The following NEDD1 variants were observed in gnomAD, a reference collection of about 807,000 sequenced individuals.
NEDD1 encodes the protein protein NEDD1.
NEDD1 carries 33 observed loss-of-function variants against 74.0 expected under a neutral mutation model. That is an observed-to-expected ratio of 0.45 (90% CI 0.34 to 0.60). The LOEUF is 0.60. Ranked by LOEUF, NEDD1 falls within the 20% of genes least tolerant of loss-of-function variation. The pLI is 0.01. For synonymous variants in NEDD1, 250 were observed against 264.4 expected, an observed-to-expected ratio of 0.95 and a Z score of 0.53; for missense variants, 746 against 776.5, an observed-to-expected ratio of 0.96 and a Z score of 0.47.
chr12:96,928,067 A>G (rs1393534970), intron 6 of NEDD1, among the ~76,000 whole-genome samples: 2 of 152,140 alleles, frequency 1.3e-5, no homozygotes, highest in African/African-American at 4.8e-5. Flanking sequence ...ATTTCTTCTT[A>G]AAGACTTTTC....
intron 4 of NEDD1, among the ~76,000 whole-genome samples, chr12:96,916,233 A>T (rs1296275016): frequency 2.8e-5 from 4 of 144,424 alleles, no homozygotes; most frequent in Admixed American, 6.9e-5. Context: ...TTGAAGATTT[A>T]TTATTATTAT....
At chr12:96,938,111 G>T (rs375309990) in intron 9 of NEDD1, among the ~76,000 whole-genome samples, 1 of 151,882 alleles carries the variant, frequency 6.6e-6, no homozygotes, top group East Asian at 1.9e-4. Context: ...AAATACTTGG[G>T]CAAAAATATT....
At chr12:96,913,434 T>C (rs796846096) in intron 4 of NEDD1, among the ~76,000 whole-genome samples, 38 of 151,690 alleles carry the variant, frequency 2.5e-4, no homozygotes, top group African/African-American at 8.5e-4. Context: ...AGTGCAATGG[T>C]GCAATCTTAG....
intron 9 of NEDD1, 124 bp downstream of exon 9, chr12:96,937,517 G>A (rs912294034): frequency 1.4e-4 from 66 of 459,154 alleles, no homozygotes; most frequent in Non-Finnish European, 3.5e-5. Context: ...GAGTACTTAG[G>A]TAAAATTAGT....
At chr12:96,945,349 C>T (rs1001109042) in intron 13 of NEDD1, among the ~76,000 whole-genome samples, 2 of 151,972 alleles carry the variant, frequency 1.3e-5, no homozygotes, top group African/African-American at 2.4e-5. Flanking sequence ...TATTTTCCTT[C>T]GGTTTGTTTT....
At position 96,927,962 on chromosome 12, in the gene NEDD1, T is replaced by G. The variant is rs907453238; in HGVS notation, c.490-7014T>G. On this transcript the variant is annotated intron_variant, in intron 6 of 15. Transcript: ENST00000266742. ...ATTTCTTTGATTCTCTATATATTTC[T>G]GTAGTATTGGTATACACTTGACTAG... Among the ~76,000 whole-genome samples, 12 of 152,176 alleles carry G rather than the reference T, an allele frequency of 7.9e-5. 1 individual carries two copies. The highest frequency in any genetic ancestry group is 7.9e-4 in the Admixed American group (12 of 15,282).
At chr12:96,910,814 G>A (rs1480563898) in intron 3 of NEDD1, among the ~76,000 whole-genome samples, 1 of 152,060 alleles carries the variant, frequency 6.6e-6, no homozygotes, top group Non-Finnish European at 1.5e-5. Flanking sequence ...ATTTTCTTTT[G>A]TGAAACTCAT....
chr12:96,932,463 A>AAAAAAAAAAAAAAAAATATATATATATAT, intron 6 of NEDD1, among the ~76,000 whole-genome samples: 1 of 9,434 alleles, frequency 1.1e-4, no homozygotes, highest in African/African-American at 3.4e-4. Context: ...AAAAAAAAAA[A>AAAAAAAAAAAAAAAAATATATATATATAT]ATATATATAT....
chr12:96,950,822 T>TG (rs1197802667), intron 14 of NEDD1, among the ~76,000 whole-genome samples: 1 of 151,890 alleles, frequency 6.6e-6, no homozygotes, highest in African/African-American at 2.4e-5. Context: ...ATAAGTTGTG[T>TG]GGTGGGTGAC....
intron 5 of NEDD1, among the ~76,000 whole-genome samples, chr12:96,918,948 T>C (rs930489546): frequency 8.5e-5 from 13 of 152,218 alleles, no homozygotes; most frequent in African/African-American, 2.4e-4. Flanking sequence ...AAGAAATCTC[T>C]GAAAATACTT....
At chr12:96,909,999 T>C (rs1873748619) in intron 3 of NEDD1, 104 bp downstream of exon 3, 1 of 1,259,708 alleles carries the variant, frequency 7.9e-7, no homozygotes, top group Non-Finnish European at 1.1e-6. Flanking sequence ...TACTGAGTAA[T>C]GTGTTTTGCA....
chr12:96,949,187 A>G lies in NEDD1; in HGVS notation c.1812-2245A>G, dbSNP rs546928940. 7.2e-5 allele frequency among the ~76,000 whole-genome samples: 11 copies of G among 152,318 alleles called. No individual in the cohort carries two copies. In the South Asian group the frequency reaches 2.3e-3, roughly 32 times the overall value. On this transcript the variant is annotated intron_variant, in intron 14 of 15. Transcript: ENST00000266742. ...GAAGGAAAAACAGAGGTAAATGAAG[A>G]GCTTACCTAGTAGTCTTTCGTTTGC... is the stretch of plus-strand genomic sequence containing the variant.
Position 96,937,196 on chromosome 12 carries a change from A to G in NEDD1, c.922-2A>G. ...GCTTTTAAATATTCCATTACATTTC[A>G]GTCAAGTTTAAATAAAGGCTGTTCA... On this transcript the variant is annotated splice_acceptor_variant, in intron 8 of 15. Coordinates refer to ENST00000266742, the MANE Select transcript of NEDD1 (RefSeq NM_152905.4). LOFTEE classifies it high-confidence loss of function. 1 of 1,558,946 alleles carries G rather than the reference A, an allele frequency of 6.4e-7. No individual in the cohort carries two copies. Among genetic ancestry groups the G allele is most frequent in the Non-Finnish European group, 8.7e-7 (1 of 1,145,126 alleles).
At chr12:96,943,479 C>T in intron 11 of NEDD1, 81 bp from the exon 12 acceptor site, 1 of 869,150 alleles carries the variant, frequency 1.2e-6, no homozygotes, top group South Asian at 1.6e-5. Flanking sequence ...CCATGTTAAT[C>T]TGCCTATCAT....
At position 96,920,103 on chromosome 12, in the gene NEDD1, C is replaced by T; in HGVS notation, c.467C>T (p.Pro156Leu). ...GTAACCACTAATTTATCTAGTACTC[C>T]TTTTGGCCATGGTAGTAACCAGGTA... ...HSVTTNLSST[P>L]FGHGSNQSVR... is the part of the protein sequence containing the mutation. The change falls in exon 6 of 16, where the codon CCT becomes CTT. Residue 156 changes from proline to leucine, a missense_variant. By Grantham distance (98) the Pro-to-Leu change is moderately conservative. Transcript: ENST00000266742. 1 of 1,598,358 alleles carries T rather than the reference C, an allele frequency of 6.3e-7. No individual in the cohort carries two copies. Among genetic ancestry groups the T allele is most frequent in the Non-Finnish European group, 8.5e-7 (1 of 1,170,234 alleles).
At position 96,947,346 on chromosome 12, in the gene NEDD1, T is replaced by A. The variant is rs183548487; in HGVS notation, c.1811+1497T>A. 2.6e-4 allele frequency among the ~76,000 whole-genome samples: 40 copies of A among 152,210 alleles called. No individual in the cohort carries two copies. The East Asian group carries it at 6.6e-3, about 25-fold the overall frequency. ...GAGCAGTTCTTCTGTGGGGGCAGAT[T>A]TAGAAAGGTACACTGAAGAGATTTT... On this transcript the variant is annotated intron_variant, in intron 14 of 15. Coordinates refer to ENST00000266742, the MANE Select transcript of NEDD1 (RefSeq NM_152905.4).
chr12:96,936,257 C>T (rs2136586605), intron 7 of NEDD1, among the ~76,000 whole-genome samples: 1 of 152,276 alleles, frequency 6.6e-6, no homozygotes, highest in South Asian at 2.1e-4. Context: ...TTAGGCCCTC[C>T]TCAACCATGA....
At position 96,953,621 on chromosome 12, in the gene NEDD1, A is replaced by G. The variant is rs1174114223; in HGVS notation, c.*1568A>G. On this transcript the variant is annotated 3_prime_UTR_variant, in exon 16 of 16. Transcript: ENST00000266742. ...ATAATTTTAGTAATTATGTGTACAG[A>G]TGAAACATTTTTGTCATGGAATTTA... The G allele has an allele frequency of 3.3e-5, 5 of 151,900 alleles. No individual in the cohort carries two copies. In the East Asian group the frequency reaches 7.7e-4, roughly 23 times the overall value. 9.4% of individuals were successfully genotyped at this position (151,900 alleles called of 1,614,324 possible). A position where few individuals can be genotyped will look rare whatever the true frequency, so the allele number is the denominator to read the frequency against.
rs575543377 is a variant in NEDD1 at position 96,927,980 on chromosome 12, T to C, written c.490-6996T>C. Among the ~76,000 whole-genome samples, 13 of 152,326 alleles carry C rather than the reference T, an allele frequency of 8.5e-5. No homozygotes were observed. The South Asian group carries it at 2.7e-3, about 32-fold the overall frequency. ...ATATTTCTGTAGTATTGGTATACAC[T>C]TGACTAGCCTATATAATATGTTCTT... On this transcript the variant is annotated intron_variant, in intron 6 of 15. Coordinates refer to ENST00000266742, the MANE Select transcript of NEDD1 (RefSeq NM_152905.4).
Sources: gnomAD v4.1 joint callset for allele counts (sites outside exome capture counted in the v4.1 genomes callset) on GRCh38, gnomAD v4.1.1 for gene constraint, MANE v1.5 for transcripts, NCBI Gene and HGNC (gene_info 2026-07-23, HGNC 2026-07-21) for gene names.